KSR2: variants seen among roughly 807,000 people sequenced by gnomAD.
The protein encoded by KSR2 is kinase suppressor of ras 2.
Under a neutral mutation model 107.8 loss-of-function variants are expected in KSR2, and 25 were observed. The ratio of observed to expected loss-of-function variants is 0.23; its 90% CI spans 0.17 to 0.32. KSR2 has a LOEUF of 0.32. KSR2 is among the 10% of genes least tolerant of loss of function. KSR2 has a pLI of 1.00. For synonymous variants in KSR2, 480 were observed against 507.0 expected, an observed-to-expected ratio of 0.95 and a Z score of 0.71; for missense variants, 887 against 1,268.9, an observed-to-expected ratio of 0.70 and a Z score of 4.57.
chr12:117,599,877 A>G (rs1880839695), intron 5 of KSR2, among the ~76,000 whole-genome samples: 2 of 152,178 alleles, frequency 1.3e-5, no homozygotes, highest in Admixed American at 1.3e-4. Flanking sequence ...GAGACAACGG[A>G]AGGAGACGGG....
At chr12:117,794,162 A>C (rs1227980642) in intron 3 of KSR2, among the ~76,000 whole-genome samples, 27 of 117,730 alleles carry the variant, frequency 2.3e-4, no homozygotes, top group South Asian at 6.4e-4. Context: ...GCACACATAC[A>C]CCAACATGCG....
intron 5 of KSR2, among the ~76,000 whole-genome samples, chr12:117,635,790 G>A (rs1215645922): frequency 1.4e-5 from 2 of 139,020 alleles, no homozygotes; most frequent in African/African-American, 5.4e-5. Context: ...ACATTGGTAT[G>A]TTACTTTTTT....
intron 4 of KSR2, among the ~76,000 whole-genome samples, chr12:117,700,047 ACT>A (rs1491115314): frequency 6.7e-6 from 1 of 148,202 alleles, no homozygotes; most frequent in Non-Finnish European, 1.5e-5. Flanking sequence ...TAATTTTGGT[ACT>A]TTTTTTTTTT....
At chr12:117,615,248 C>T (rs1881810145) in intron 5 of KSR2, among the ~76,000 whole-genome samples, 1 of 81,648 alleles carries the variant, frequency 1.2e-5, no homozygotes, top group Non-Finnish European at 2.6e-5. Flanking sequence ...CACACACACA[C>T]ACACACACAT....
chr12:117,619,484 A>T (rs1882060009), intron 5 of KSR2, among the ~76,000 whole-genome samples: 1 of 151,730 alleles, frequency 6.6e-6, no homozygotes, highest in Non-Finnish European at 1.5e-5. Flanking sequence ...TCCTTGCGAT[A>T]GTTTGCTGAG....
intron 1 of KSR2, among the ~76,000 whole-genome samples, chr12:117,958,768 C>T (rs11068762): frequency 0.088 from 13,370 of 152,166 alleles, 996 homozygotes; most frequent in East Asian, 0.3. Context: ...TTGTAGTGAG[C>T]GGAGATCACG....
chr12:117,822,754 T>G (rs1334354490), intron 3 of KSR2, among the ~76,000 whole-genome samples: 1 of 152,226 alleles, frequency 6.6e-6, no homozygotes, highest in Non-Finnish European at 1.5e-5. Flanking sequence ...AGTAGTACCA[T>G]GCTGCATATT....
chr12:117,580,420 A>G (rs1040948068), intron 6 of KSR2, among the ~76,000 whole-genome samples: 3 of 152,188 alleles, frequency 2.0e-5, no homozygotes, highest in African/African-American at 7.2e-5. Flanking sequence ...TTCACTCATC[A>G]GCCAGCCACA....
intron 7 of KSR2, among the ~76,000 whole-genome samples, chr12:117,567,523 C>G (rs1338633324): frequency 3.3e-5 from 5 of 152,060 alleles, no homozygotes; most frequent in Admixed American, 1.3e-4. Context: ...GCTGGCTAAG[C>G]ATTTTGAAAA....
intron 7 of KSR2, among the ~76,000 whole-genome samples, chr12:117,563,857 G>T (rs1037548444): frequency 3.3e-5 from 5 of 152,064 alleles, no homozygotes; most frequent in African/African-American, 1.2e-4. Context: ...CCTGCTCTTT[G>T]ATGCACCCAT....
intron 3 of KSR2, among the ~76,000 whole-genome samples, chr12:117,817,544 C>T (rs1891416703): frequency 6.6e-6 from 1 of 152,164 alleles, no homozygotes; most frequent in Non-Finnish European, 1.5e-5. Flanking sequence ...GCTCACCCCT[C>T]TTTAAAGAAA....
At chr12:117,593,408 C>T (rs1055221881) in intron 5 of KSR2, among the ~76,000 whole-genome samples, 5 of 152,310 alleles carry the variant, frequency 3.3e-5, no homozygotes, top group African/African-American at 1.2e-4. Flanking sequence ...AGATGGGAGA[C>T]ACGCAGACCA....
chr12:117,676,482 G>A (rs1374936616), intron 4 of KSR2, among the ~76,000 whole-genome samples: 2 of 152,022 alleles, frequency 1.3e-5, no homozygotes, highest in African/African-American at 4.8e-5. Flanking sequence ...AGAAAAAGAA[G>A]GGGAGGAGGA....
chr12:117,959,131 A>G (rs1385969855), intron 1 of KSR2, among the ~76,000 whole-genome samples: 1 of 152,214 alleles, frequency 6.6e-6, no homozygotes, highest in Non-Finnish European at 1.5e-5. Context: ...TTATGTATTA[A>G]TTAAACAATA....
chr12:117,877,173 C>T (rs535099130), intron 1 of KSR2, among the ~76,000 whole-genome samples: 70 of 152,176 alleles, frequency 4.6e-4, no homozygotes, highest in Admixed American at 3.1e-3. Context: ...CCTGTCTCTA[C>T]TAAAAATACA....
chr12:117,723,735 G>A (rs978989145), intron 4 of KSR2, among the ~76,000 whole-genome samples: 4 of 152,000 alleles, frequency 2.6e-5, no homozygotes, highest in Admixed American at 2.0e-4. Context: ...GTCACTGGGG[G>A]AAAGTTGGGG....
Position 117,476,615 on chromosome 12 carries a change from G to A in KSR2, c.2451-20C>T, listed in dbSNP as rs368413754. ...TCCCGCCTGGAGAAGCAAAGCACAGGATGAGCTCTGTTTCATAGCCCAGGG... is the reference window on the plus strand; with the variant it reads ...TCCCGCCTGGAGAAGCAAAGCACAGAATGAGCTCTGTTTCATAGCCCAGGG... On this transcript the variant is annotated intron_variant, in intron 16 of 19. Transcript: ENST00000339824. 1.6e-4 allele frequency: 256 copies of A among 1,603,372 alleles called. No homozygotes were observed. The African/African-American group carries it at 3.1e-3, about 19-fold the overall frequency.
intron 7 of KSR2, among the ~76,000 whole-genome samples, chr12:117,577,573 G>C (rs943252718): frequency 6.6e-6 from 1 of 152,154 alleles, no homozygotes; most frequent in African/African-American, 2.4e-5. Flanking sequence ...AGAAAAACAG[G>C]TTTAATGGAC....
chr12:117,472,449 C>T (rs908712698), intron 17 of KSR2, among the ~76,000 whole-genome samples: 15 of 152,110 alleles, frequency 9.9e-5, no homozygotes, highest in African/African-American at 3.4e-4. Context: ...CAGATCTCAG[C>T]GCTTTGAGCA....
Sources: gnomAD v4.1 joint callset for allele counts (sites outside exome capture counted in the v4.1 genomes callset) on GRCh38, gnomAD v4.1.1 for gene constraint, MANE v1.5 for transcripts, NCBI Gene and HGNC (gene_info 2026-07-23, HGNC 2026-07-21) for gene names.